Variants in MAPKAP1 observed in about 807,000 individuals in gnomAD.
MAPKAP1 encodes the protein target of rapamycin complex 2 subunit MAPKAP1.
A neutral mutation model predicts 65.7 loss-of-function variants in MAPKAP1; 20 were observed. The observed-to-expected ratio is 0.30, with a 90% CI of 0.21 to 0.44. The LOEUF (loss-of-function observed/expected upper bound fraction) is 0.44, where lower values mean the gene tolerates loss of function less well. MAPKAP1 is among the 20% of genes least tolerant of loss of function. The pLI, the probability that MAPKAP1 is intolerant of heterozygous loss-of-function variation, is 1.00. For missense variants in MAPKAP1, 423 were observed against 648.0 expected (o/e 0.65, Z 3.77); for synonymous variants, 222 against 244.3 (o/e 0.91, Z 0.85).
intron 8 of MAPKAP1, among the ~76,000 whole-genome samples, chr9:125,504,092 C>A (rs10986781): frequency 6.6e-6 from 1 of 151,764 alleles, no homozygotes; most frequent in Non-Finnish European, 1.5e-5. Context: ...TTAGGTCTTT[C>A]GATATTTACA....
intron 5 of MAPKAP1, among the ~76,000 whole-genome samples, chr9:125,574,350 T>C (rs1173524276): frequency 6.6e-6 from 1 of 152,200 alleles, no homozygotes; most frequent in Admixed American, 6.5e-5. Flanking sequence ...ATGGTATTGA[T>C]GTTAAAAAGC....
intron 8 of MAPKAP1, among the ~76,000 whole-genome samples, chr9:125,495,469 A>C (rs1432332733): frequency 5.3e-5 from 8 of 152,212 alleles, no homozygotes; most frequent in Admixed American, 5.2e-4. Context: ...TGTATCGCTT[A>C]ATGAAAGTTC....
intron 3 of MAPKAP1, among the ~76,000 whole-genome samples, chr9:125,658,182 A>G (rs985699808): frequency 1.3e-5 from 2 of 152,180 alleles, no homozygotes; most frequent in Admixed American, 6.5e-5. Flanking sequence ...AGAAAATCTC[A>G]AAGATCCCTC....
intron 2 of MAPKAP1, among the ~76,000 whole-genome samples, chr9:125,671,667 A>G (rs886224568): frequency 2.0e-4 from 30 of 152,242 alleles, no homozygotes; most frequent in Admixed American, 1.2e-3. Flanking sequence ...AAAATGGGCA[A>G]TAAGCTTTTA....
chr9:125,475,066 G>T (rs1210959541), intron 9 of MAPKAP1, among the ~76,000 whole-genome samples: 1 of 152,202 alleles, frequency 6.6e-6, no homozygotes, highest in African/African-American at 2.4e-5. Flanking sequence ...CACACAGGCT[G>T]TTTGGGCTTA....
intron 5 of MAPKAP1, chr9:125,567,654 G>A (rs1831100479): frequency 1.3e-5 from 2 of 152,122 alleles, no homozygotes; most frequent in Admixed American, 6.6e-5. Flanking sequence ...TTGCACTGTG[G>A]ACTTGCCCTG....
chr9:125,612,927 T>G (rs1160457351), intron 4 of MAPKAP1, among the ~76,000 whole-genome samples: 2 of 152,154 alleles, frequency 1.3e-5, no homozygotes, highest in Non-Finnish European at 2.9e-5. Flanking sequence ...TTTTACCCAA[T>G]TTTAGTGGTT....
At chr9:125,573,323 T>G (rs1831296919) in intron 5 of MAPKAP1, among the ~76,000 whole-genome samples, 2 of 151,990 alleles carry the variant, frequency 1.3e-5, no homozygotes, top group South Asian at 2.1e-4. Flanking sequence ...CAAACCAAAA[T>G]GGCAACAAGA....
chr9:125,517,620 A>G (rs1002364779), intron 7 of MAPKAP1, among the ~76,000 whole-genome samples: 2 of 152,256 alleles, frequency 1.3e-5, no homozygotes, highest in African/African-American at 2.4e-5. Flanking sequence ...TCAATCAGAA[A>G]GTGCCAAGAG....
At chr9:125,554,540 T>C (rs546328133) in intron 6 of MAPKAP1, among the ~76,000 whole-genome samples, 1 of 148,956 alleles carries the variant, frequency 6.7e-6, no homozygotes, top group African/African-American at 2.6e-5. Flanking sequence ...GGCTCATGCC[T>C]GTAATCCTAA....
In MAPKAP1 at chr9:125,621,829, A is replaced by C. The variant is rs542943873; in HGVS notation, c.498+35822T>G. On this transcript the variant is annotated intron_variant, in intron 4 of 11. Transcript: ENST00000265960. ...ACATATTTGATGCAAAAGGGTATCA[A>C]CTGAAAAGTTTAGAAGTGCAACCAT... Among the ~76,000 whole-genome samples the C allele has an allele frequency of 4.6e-5, 7 of 152,360 alleles. No individual in the cohort carries two copies. The South Asian group carries it at 1.4e-3, about 32-fold the overall frequency.
intron 4 of MAPKAP1, among the ~76,000 whole-genome samples, chr9:125,629,499 A>G (rs1346921591): frequency 6.6e-6 from 1 of 152,258 alleles, no homozygotes; most frequent in Non-Finnish European, 1.5e-5. Flanking sequence ...TAAGCCAGTC[A>G]GAAAAAGACA....
chr9:125,467,963 A>C lies in MAPKAP1; in HGVS notation c.1345+9T>G, dbSNP rs756909547. 33 of 1,613,712 alleles carry C rather than the reference A, an allele frequency of 2.0e-5. No individual in the cohort carries two copies. In the South Asian group the frequency reaches 2.9e-4, roughly 14 times the overall value. On this transcript the variant is annotated intron_variant, in intron 10 of 11. Coordinates refer to ENST00000265960, the MANE Select transcript of MAPKAP1 (RefSeq NM_001006617.3). ...GAGAAAGGAGACATAAATAAAAGGG[A>C]CTACTCACTGGGGCTTTTCTCTTCA...
Position 125,594,841 on chromosome 9 carries a change from C to A in MAPKAP1, c.499-9114G>T, listed in dbSNP as rs546497985. Among the ~76,000 whole-genome samples the A allele has an allele frequency of 3.9e-5, 6 of 152,244 alleles. No homozygotes were observed. The South Asian group carries it at 1.0e-3, about 26-fold the overall frequency. On this transcript the variant is annotated intron_variant, in intron 4 of 11. Coordinates refer to ENST00000265960, the MANE Select transcript of MAPKAP1 (RefSeq NM_001006617.3). ...CAAAAGGACTCCTCAGACTCTCTTT[C>A]AGAATGGACCCACCGGACCTACCAA...
At chr9:125,502,905 T>C (rs1829026952) in intron 8 of MAPKAP1, among the ~76,000 whole-genome samples, 1 of 151,732 alleles carries the variant, frequency 6.6e-6, no homozygotes, top group African/African-American at 2.4e-5. Flanking sequence ...TGGAGACCTG[T>C]ATATTTTTCT....
chr9:125,680,852 T>C (rs1404374009), intron 1 of MAPKAP1, among the ~76,000 whole-genome samples: 2 of 152,128 alleles, frequency 1.3e-5, no homozygotes, highest in Non-Finnish European at 2.9e-5. Context: ...TAAGACAACA[T>C]GTTTTCCAAG....
intron 4 of MAPKAP1, among the ~76,000 whole-genome samples, chr9:125,590,932 C>G (rs1831941095): frequency 6.6e-6 from 1 of 152,126 alleles, no homozygotes; most frequent in Non-Finnish European, 1.5e-5. Context: ...TGCCACCACA[C>G]CCAGCTACTT....
chr9:125,679,513 T>C (rs1588067470), intron 1 of MAPKAP1, among the ~76,000 whole-genome samples: 1 of 152,002 alleles, frequency 6.6e-6, no homozygotes, highest in Admixed American at 6.6e-5. Flanking sequence ...AGTCACAAAA[T>C]TTCACAGAAC....
chr9:125,512,643 G>A lies in MAPKAP1; in HGVS notation c.959-6226C>T, dbSNP rs900645658. Among the ~76,000 whole-genome samples the A allele has an allele frequency of 3.4e-5, 5 of 145,754 alleles. No homozygotes were observed. The East Asian group carries it at 6.2e-4, about 18-fold the overall frequency. On this transcript the variant is annotated intron_variant, in intron 7 of 11. Coordinates refer to ENST00000265960, the MANE Select transcript of MAPKAP1 (RefSeq NM_001006617.3). ...GTCGCCCAGGTTGGAGTGCAGTGGC[G>A]CAATCTCGGCTCACTGCAAGCTCCG...
Sources: allele counts gnomAD v4.1 joint callset (sites outside exome capture counted in the v4.1 genomes callset), GRCh38; gene constraint gnomAD v4.1.1; transcripts MANE v1.5; gene names NCBI Gene and HGNC (gene_info 2026-07-23, HGNC 2026-07-21).